Variants in BAZ1B observed in about 807,000 individuals in gnomAD.
BAZ1B encodes the protein tyrosine-protein kinase BAZ1B.
Under a neutral mutation model 153.8 loss-of-function variants are expected in BAZ1B, and 22 were observed. The ratio of observed to expected loss-of-function variants is 0.14; its 90% confidence interval spans 0.10 to 0.20. The LOEUF (loss-of-function observed/expected upper bound fraction) is 0.20, where lower values mean the gene tolerates loss of function less well. BAZ1B is among the 10% of genes least tolerant of loss of function. BAZ1B has a pLI of 1.00. For missense variants in BAZ1B, 1,325 were observed against 1,799.3 expected, an observed-to-expected ratio of 0.74 and a Z score of 4.77; for synonymous variants, 676 against 633.4, an observed-to-expected ratio of 1.07 and a Z score of -1.01.
At chr7:73,516,600 T>C (rs1554579329) in intron 1 of BAZ1B, among the ~76,000 whole-genome samples, 1 of 150,846 alleles carries the variant, frequency 6.6e-6, no homozygotes, top group African/African-American at 2.4e-5. Context: ...CTAGCCAACA[T>C]GGTGAAACTA....
chr7:73,471,974 G>A (rs1194464543), intron 7 of BAZ1B, among the ~76,000 whole-genome samples: 1 of 151,776 alleles, frequency 6.6e-6, no homozygotes, highest in Non-Finnish European at 1.5e-5. Context: ...CTTAGGACAA[G>A]TCACCAAAGG....
intron 3 of BAZ1B, among the ~76,000 whole-genome samples, chr7:73,503,380 T>C (rs11976712): frequency 6.6e-6 from 1 of 151,938 alleles, no homozygotes. Context: ...CCCTTTCCTC[T>C]TTTTTTTGTT....
Position 73,450,823 on chromosome 7 carries a change from T to A in BAZ1B, c.3580+24A>T. 6.2e-7 allele frequency: 1 copy of A among 1,612,636 alleles called. No individual in the cohort carries two copies. The highest frequency in any genetic ancestry group is 8.5e-7 in the Non-Finnish European group (1 of 1,178,790). On this transcript the variant is annotated intron_variant, in intron 14 of 19. Transcript: ENST00000339594. This position sits in a 1 kb window ranked among gnomAD's most constrained non-coding sequence, Gnocchi z 4.1. Reference sequence around the variant, plus strand: ...AATCCTACTCCCTAATATACCCACATAAGCAAATTTGATTTAAATATACCT... The same window carrying A: ...AATCCTACTCCCTAATATACCCACAAAAGCAAATTTGATTTAAATATACCT...
intron 3 of BAZ1B, among the ~76,000 whole-genome samples, chr7:73,507,928 G>T (rs144178974): frequency 6.6e-6 from 1 of 152,106 alleles, no homozygotes; most frequent in Non-Finnish European, 1.5e-5. Flanking sequence ...GCCAAGGTGG[G>T]TGGATCATCT....
chr7:73,501,013 T>G (rs1270284697), intron 3 of BAZ1B, among the ~76,000 whole-genome samples: 1 of 152,042 alleles, frequency 6.6e-6, no homozygotes, highest in Non-Finnish European at 1.5e-5. Context: ...TCCCAGCGCT[T>G]TGGGAGGCCC....
intron 8 of BAZ1B, among the ~76,000 whole-genome samples, 188 bp downstream of exon 8, chr7:73,470,155 ATG>A: frequency 6.6e-6 from 1 of 152,244 alleles, no homozygotes; most frequent in Non-Finnish European, 1.5e-5. Flanking sequence ...GGGCAGGAAT[ATG>A]TCTTACTTAA....
intron 7 of BAZ1B, among the ~76,000 whole-genome samples, chr7:73,473,306 A>G (rs1554572307): frequency 6.6e-6 from 1 of 152,206 alleles, no homozygotes; most frequent in Non-Finnish European, 1.5e-5. Flanking sequence ...TAATCCCAGC[A>G]ATTTGGCAAG....
intron 9 of BAZ1B, among the ~76,000 whole-genome samples, 187 bp from the exon 10 acceptor site, chr7:73,466,588 A>C (rs1176047569): frequency 1.3e-5 from 2 of 152,242 alleles, no homozygotes; most frequent in Non-Finnish European, 2.9e-5. Context: ...ACAGCATGTT[A>C]TCTCAGATAT....
chr7:73,466,414 G>A lies in BAZ1B; in HGVS notation c.2867-13C>T. 1 of 1,584,856 alleles carries A rather than the reference G, an allele frequency of 6.3e-7. No individual in the cohort carries two copies. The highest frequency in any genetic ancestry group is 8.7e-7 in the Non-Finnish European group (1 of 1,153,470). On this transcript the variant is annotated splice_polypyrimidine_tract_variant and intron_variant, in intron 9 of 19. Coordinates refer to ENST00000339594, the MANE Select transcript of BAZ1B (RefSeq NM_032408.4). The stretch of plus-strand genomic sequence containing the variant: ...TTTGCTTTCTTACCTAAGAAAAATT[G>A]AGACATTAGGTTGACTTTAGTAAAT...
chr7:73,478,429 C>T lies in BAZ1B; in HGVS notation c.1032G>A (p.Lys344=), dbSNP rs368184813. The T allele has an allele frequency of 2.3e-5, 37 of 1,613,070 alleles. No individual in the cohort carries two copies. The highest frequency in any genetic ancestry group is 3.1e-5 in the Non-Finnish European group (36 of 1,179,678). ...CTTTGAGTGGCGAGCCACTCAATGA[C>T]TTCTTCAAGTGTACGTGACACCATA... The part of the protein sequence containing the change: ...PKLWCHVHLK[K]SLSGSPLKVK... The change falls in exon 7 of 20, where the codon AAG becomes AAA. Residue 344 remains lysine (K), a synonymous_variant. Coordinates refer to ENST00000339594, the MANE Select transcript of BAZ1B (RefSeq NM_032408.4).
At chr7:73,448,624 G>A (rs782164066) in intron 15 of BAZ1B, among the ~76,000 whole-genome samples, 1 of 152,202 alleles carries the variant, frequency 6.6e-6, no homozygotes, top group Non-Finnish European at 1.5e-5. Flanking sequence ...TTTCAAAAGC[G>A]CAGTGAAATT....
intron 4 of BAZ1B, among the ~76,000 whole-genome samples, 170 bp from the exon 5 acceptor site, chr7:73,493,091 T>C (rs1231792821): frequency 1.3e-5 from 2 of 151,914 alleles, no homozygotes; most frequent in African/African-American, 2.4e-5. Context: ...ATGAGGAGAG[T>C]CAGCAAGTAA....
At chr7:73,471,862 G>A (rs1272304810) in intron 7 of BAZ1B, among the ~76,000 whole-genome samples, 5 of 150,078 alleles carry the variant, frequency 3.3e-5, no homozygotes, top group African/African-American at 1.2e-4. Flanking sequence ...ATAGCACAAA[G>A]GTAAATGATT....
intron 1 of BAZ1B, among the ~76,000 whole-genome samples, chr7:73,517,174 A>G (rs1350932820): frequency 3.3e-5 from 5 of 149,472 alleles, no homozygotes; most frequent in African/African-American, 1.2e-4. Flanking sequence ...CACAGCAATA[A>G]CCCAGCTCAA....
rs574962871 is a variant in BAZ1B, at chr7:73,509,893, G to A, written c.224+843C>T. Among the ~76,000 whole-genome samples, 7 of 142,680 alleles carry A rather than the reference G, an allele frequency of 4.9e-5. No homozygotes were observed. In the East Asian group the frequency reaches 1.1e-3, roughly 22 times the overall value. 93.6% of individuals were successfully genotyped at this position (142,680 alleles called of 152,430 possible). On this transcript the variant is annotated intron_variant, in intron 2 of 19. Transcript: ENST00000339594. ...TGTAATCCCAGCACTTTGGGAGGCC[G>A]AAATGAGCAGGTCGCTTGAGGTCAG...
At chr7:73,464,566 T>A (rs1788509389) in intron 11 of BAZ1B, among the ~76,000 whole-genome samples, 1 of 152,218 alleles carries the variant, frequency 6.6e-6, no homozygotes, top group Non-Finnish European at 1.5e-5. Context: ...CTAAGATGTT[T>A]CATTTGAATG....
chr7:73,449,492 A>T, intron 15 of BAZ1B, 50 bp downstream of exon 15: 2 of 1,560,254 alleles, frequency 1.3e-6, no homozygotes, highest in Non-Finnish European at 1.7e-6. Context: ...TAATTATAAC[A>T]GCTATTCATA....
At chr7:73,505,339 T>G (rs1554577620) in intron 3 of BAZ1B, among the ~76,000 whole-genome samples, 1 of 152,164 alleles carries the variant, frequency 6.6e-6, no homozygotes, top group East Asian at 1.9e-4. Flanking sequence ...CTCAACACAC[T>G]GAGAAGAACA....
chr7:73,482,380 G>C (rs556246224), intron 6 of BAZ1B, among the ~76,000 whole-genome samples: 1 of 152,302 alleles, frequency 6.6e-6, no homozygotes, highest in East Asian at 1.9e-4. Flanking sequence ...AAGAACAAAT[G>C]TGTGCCCCCA....
Sources: gnomAD v4.1 joint callset for allele counts (sites outside exome capture counted in the v4.1 genomes callset) on GRCh38, gnomAD v4.1.1 for gene constraint, Gnocchi (gnomAD v3.1) non-coding constraint, MANE v1.5 for transcripts, NCBI Gene and HGNC (gene_info 2026-07-23, HGNC 2026-07-21) for gene names.